The following EEF2KMT variants were observed in gnomAD, a reference collection of about 807,000 sequenced individuals.
EEF2KMT encodes the protein eukaryotic elongation factor 2 lysine methyltransferase.
Under a neutral mutation model 35.1 loss-of-function variants are expected in EEF2KMT, and 30 were observed. The observed-to-expected ratio is 0.85, with a 90% CI of 0.64 to 1.16. The LOEUF is 1.16. Among genes scored for constraint, EEF2KMT ranks in the 50% most tolerant of loss-of-function variants. EEF2KMT has a pLI of 0.00. For synonymous variants in EEF2KMT, 190 were observed against 187.7 expected (o/e 1.01, Z -0.10); for missense variants, 499 against 438.2 (o/e 1.14, Z -1.24).
chr16:5,090,119 A>G lies in EEF2KMT; in HGVS notation c.707T>C (p.Leu236Pro), dbSNP rs779123095. 3 of 1,608,756 alleles carry G rather than the reference A, an allele frequency of 1.9e-6. No homozygotes were observed. Residue 236 changes from leucine to proline, a missense_variant, in exon 6 of 8, where the codon CTC becomes CCC. Leu to Pro is a moderately conservative substitution (Grantham distance 98, BLOSUM62 -3). Coordinates refer to ENST00000427587, the MANE Select transcript of EEF2KMT (RefSeq NM_201400.4). This position sits in a 1 kb window ranked among gnomAD's most constrained non-coding sequence, Gnocchi z 4.1. ...GACAACATCTGGCTGGAAGGCAGAG[A>G]GCTGATGGACCGTCGCGACGTCCCA... ...LDWDVATVHQ[L>P]SAFQPDVVIA...
At position 5,090,114 on chromosome 16, in the gene EEF2KMT, C is replaced by T. The variant is rs866690231; in HGVS notation, c.712G>A (p.Ala238Thr). The T allele has an allele frequency of 6.2e-7, 1 of 1,608,134 alleles. No individual in the cohort carries two copies. Among genetic ancestry groups the T allele is most frequent in the Middle Eastern group, 2.3e-4 (1 of 4,430 alleles). The change falls in exon 6 of 8, where the codon GCC becomes ACC. Residue 238 changes from alanine (A) to threonine (T), a missense_variant. Physicochemically the swap from Ala to Thr is moderately conservative, Grantham distance 58. Transcript: ENST00000427587. This position sits in a 1 kb window ranked among gnomAD's most constrained non-coding sequence, Gnocchi z 4.1. ...WDVATVHQLS[A>T]FQPDVVIAAD... ...GCAATGACAACATCTGGCTGGAAGG[C>T]AGAGAGCTGATGGACCGTCGCGACG...
intron 7 of EEF2KMT, among the ~76,000 whole-genome samples, chr16:5,085,969 G>T (rs1957149353): frequency 6.6e-6 from 1 of 152,188 alleles, no homozygotes; most frequent in Non-Finnish European, 1.5e-5. Flanking sequence ...TCCACTCTCT[G>T]CCTGTGTCTG....
Position 5,087,933 on chromosome 16 carries a change from TTTTA to T in EEF2KMT, c.892+1170_892+1173del, listed in dbSNP as rs1318531924. Reference sequence around the variant, plus strand: ...CTGAAGAAAGACTTCCTTTTTTTTTTTTTATTTTTTATTTCTTTGCTTTTTTGAG... The same window carrying T: ...CTGAAGAAAGACTTCCTTTTTTTTTTTTTTTTATTTCTTTGCTTTTTTGAG... On this transcript the variant is annotated intron_variant, in intron 7 of 7. Coordinates refer to ENST00000427587, the MANE Select transcript of EEF2KMT (RefSeq NM_201400.4). 0.018 allele frequency among the ~76,000 whole-genome samples: 439 copies of T among 24,504 alleles called. 11 individuals carry two copies. In the East Asian group the frequency reaches 0.18, roughly 10 times the overall value. The allele number at this position is 24,504 out of a possible 152,430, so 16.1% of individuals were successfully genotyped here. A position where few individuals can be genotyped will look rare whatever the true frequency, so the allele number is the denominator to read the frequency against.
At chr16:5,091,746 A>C (rs1263323244) in intron 4 of EEF2KMT, 48 bp downstream of exon 4, 2 of 1,609,074 alleles carry the variant, frequency 1.2e-6, no homozygotes, top group Non-Finnish European at 1.7e-6. Flanking sequence ...TTGTCTGTGC[A>C]GGAAGGGTAT....
intron 4 of EEF2KMT, among the ~76,000 whole-genome samples, 192 bp downstream of exon 4, chr16:5,091,602 A>G (rs1230951907): frequency 1.3e-5 from 2 of 152,228 alleles, no homozygotes; most frequent in Non-Finnish European, 2.9e-5. Context: ...CAACAACTCC[A>G]CGAGACATGC....
At chr16:5,092,574 AGT>A (rs1957362705) in intron 3 of EEF2KMT, among the ~76,000 whole-genome samples, 1 of 152,232 alleles carries the variant, frequency 6.6e-6, no homozygotes. Flanking sequence ...ATTTGCTAAA[AGT>A]GTGGCTCTTT....
intron 3 of EEF2KMT, 125 bp downstream of exon 3, chr16:5,093,359 T>C (rs1957382093): frequency 6.8e-7 from 1 of 1,472,222 alleles, no homozygotes; most frequent in South Asian, 1.2e-5. Context: ...TGCAGCCAGT[T>C]GCCTGGGGAG....
rs367874780 is a variant in EEF2KMT, at chr16:5,092,219, G to T, written c.241-324C>A. 1.7e-3 allele frequency among the ~76,000 whole-genome samples: 255 copies of T among 152,242 alleles called. 1 individual carries two copies. The highest frequency in any genetic ancestry group is 0.01 in the Middle Eastern group (3 of 294). ...TGAACCAGAGGTGTTGGGAGGGTAGGGTTAGGTGTAGTCTAGGGCAGGAGA... is the reference window on the plus strand; with the variant it reads ...TGAACCAGAGGTGTTGGGAGGGTAGTGTTAGGTGTAGTCTAGGGCAGGAGA... On this transcript the variant is annotated intron_variant, in intron 3 of 7. Transcript: ENST00000427587.
chr16:5,091,782 C>G lies in EEF2KMT; in HGVS notation c.342+12G>C. On this transcript the variant is annotated intron_variant, in intron 4 of 7. Transcript: ENST00000427587. ...CTGGGCTGTGAGGGGGAGGAGGGTGCCCTTCTCATACCAGCAAATAGCTCC... is the reference window on the plus strand; with the variant it reads ...CTGGGCTGTGAGGGGGAGGAGGGTGGCCTTCTCATACCAGCAAATAGCTCC... The G allele has an allele frequency of 6.2e-7, 1 of 1,611,454 alleles. No homozygotes were observed. Among genetic ancestry groups the G allele is most frequent in the Admixed American group, 1.7e-5 (1 of 59,982 alleles).
intron 1 of EEF2KMT, among the ~76,000 whole-genome samples, chr16:5,096,467 C>G (rs1247670482): frequency 6.6e-6 from 1 of 152,202 alleles, no homozygotes; most frequent in Admixed American, 6.5e-5. Context: ...AATAAAAACA[C>G]TAGCTAACAC....
intron 3 of EEF2KMT, among the ~76,000 whole-genome samples, chr16:5,092,168 G>A (rs1017164162): frequency 3.3e-5 from 5 of 152,078 alleles, no homozygotes; most frequent in Non-Finnish European, 7.4e-5. Flanking sequence ...AATTCACTTG[G>A]TAGGGAAACC....
chr16:5,090,772 C>A lies in EEF2KMT; in HGVS notation c.343-207G>T, dbSNP rs1049630991. Among the ~76,000 whole-genome samples the A allele has an allele frequency of 6.6e-6, 1 of 152,108 alleles. No individual in the cohort carries two copies. The highest frequency in any genetic ancestry group is 1.5e-5 in the Non-Finnish European group (1 of 68,016). On this transcript the variant is annotated intron_variant, in intron 4 of 7. Coordinates refer to ENST00000427587, the MANE Select transcript of EEF2KMT (RefSeq NM_201400.4). This position sits in a 1 kb window ranked among gnomAD's most constrained non-coding sequence, Gnocchi z 4.1. ...TGAAAGACACTCATCTCAGGCCACA[C>A]AGGATTCCATTCATCGAACCTTCCT... is the stretch of plus-strand genomic sequence containing the variant.
Position 5,084,954 on chromosome 16 carries a change from A to G in EEF2KMT, c.*678T>C, listed in dbSNP as rs1957102988. 4 of 1,595,718 alleles carry G rather than the reference A, an allele frequency of 2.5e-6. No homozygotes were observed. The Admixed American group carries it at 5.0e-5, about 20-fold the overall frequency. On this transcript the variant is annotated 3_prime_UTR_variant, in exon 8 of 8. Transcript: ENST00000427587. ...CAGCTTCTTCTTGGAGTCTCAGGGC[A>G]AACCCTTTCGAGCAGCACCTCCCAG... is the stretch of plus-strand genomic sequence containing the variant.
intron 2 of EEF2KMT, among the ~76,000 whole-genome samples, chr16:5,094,403 T>C (rs1293321538): frequency 6.6e-6 from 1 of 152,102 alleles, no homozygotes; most frequent in African/African-American, 2.4e-5. Flanking sequence ...GCTGGGACTA[T>C]AGGCATGTAC....
At chr16:5,094,572 G>A (rs571039873) in intron 2 of EEF2KMT, among the ~76,000 whole-genome samples, 1 of 152,180 alleles carries the variant, frequency 6.6e-6, no homozygotes, top group Non-Finnish European at 1.5e-5. Flanking sequence ...CTTGTGCTGG[G>A]TTTTAAAGCA....
chr16:5,091,142 C>G (rs1049964503), intron 4 of EEF2KMT, among the ~76,000 whole-genome samples: 13 of 152,168 alleles, frequency 8.5e-5, no homozygotes, highest in African/African-American at 1.4e-4. Flanking sequence ...AGTGCAATAG[C>G]ATGATCTTGG....
Position 5,097,676 on chromosome 16 carries a change from C to T in EEF2KMT, c.64G>A (p.Ala22Thr), listed in dbSNP as rs757773453. The T allele has an allele frequency of 6.3e-7, 1 of 1,579,686 alleles. No homozygotes were observed. The highest frequency in any genetic ancestry group is 1.1e-5 in the South Asian group (1 of 87,256). ...LLQSFERRFLAARTLRSFPWQ... is the reference protein window; with the variant it reads ...LLQSFERRFLTARTLRSFPWQ... ...GGGAAGGAGCGCAGTGTGCGTGCCG[C>T]CAGGAAGCGGCGCTCGAAACTCTGC... Residue 22 changes from alanine to threonine, a missense_variant, in exon 1 of 8, where the codon GCG becomes ACG. Physicochemically the swap from Ala to Thr is moderately conservative, Grantham distance 58. Coordinates refer to ENST00000427587, the MANE Select transcript of EEF2KMT (RefSeq NM_201400.4).
At chr16:5,089,009 A>T (rs547308432) in intron 7 of EEF2KMT, 98 bp downstream of exon 7, 175 of 1,599,984 alleles carry the variant, frequency 1.1e-4, no homozygotes, top group Middle Eastern at 6.7e-4. Flanking sequence ...GTGTGGGGCA[A>T]CCTAGCTTTT....
At position 5,090,118 on chromosome 16, in the gene EEF2KMT, G is replaced by C. The variant is rs1301363907; in HGVS notation, c.708C>G (p.Leu236=). The C allele has an allele frequency of 1.9e-6, 3 of 1,608,666 alleles. No homozygotes were observed. Among genetic ancestry groups the C allele is most frequent in the Non-Finnish European group, 2.5e-6 (3 of 1,179,844 alleles). The change falls in exon 6 of 8, where the codon CTC becomes CTG. Residue 236 remains leucine, a synonymous_variant. Coordinates refer to ENST00000427587, the MANE Select transcript of EEF2KMT (RefSeq NM_201400.4). The surrounding 1 kb of genome is among the most constrained non-coding windows in gnomAD (Gnocchi z 4.1). ...LDWDVATVHQ[L]SAFQPDVVIA... is the part of the protein sequence containing the mutation. ...TGACAACATCTGGCTGGAAGGCAGAGAGCTGATGGACCGTCGCGACGTCCC... is the reference window on the plus strand; with the variant it reads ...TGACAACATCTGGCTGGAAGGCAGACAGCTGATGGACCGTCGCGACGTCCC...
Sources: allele counts gnomAD v4.1 joint callset (sites outside exome capture counted in the v4.1 genomes callset), GRCh38; gene constraint gnomAD v4.1.1; non-coding constraint Gnocchi (gnomAD v3.1); transcripts MANE v1.5; gene names NCBI Gene and HGNC (gene_info 2026-07-23, HGNC 2026-07-21).